Variants in COL14A1 observed in about 807,000 individuals in gnomAD.
COL14A1 encodes the protein collagen type XIV alpha 1 chain, also known as collagen alpha-1(XIV) chain.
COL14A1 carries 136 observed loss-of-function variants against 230.3 expected under a neutral mutation model. That is an observed-to-expected ratio of 0.59 (90% CI 0.51 to 0.68). The LOEUF is 0.68. COL14A1 is among the 30% of genes least tolerant of loss of function. The pLI, the probability that COL14A1 is intolerant of heterozygous loss-of-function variation, is 0.00. For synonymous variants in COL14A1, 792 were observed against 784.1 expected (o/e 1.01, Z -0.17); for missense variants, 1,976 against 2,215.8 (o/e 0.89, Z 2.17).
intron 8 of COL14A1, among the ~76,000 whole-genome samples, chr8:120,200,949 T>C (rs998682339): frequency 1.3e-5 from 2 of 151,438 alleles, no homozygotes; most frequent in South Asian, 2.1e-4. Flanking sequence ...GGTTGTATCT[T>C]CTTCACTTTT....
chr8:120,176,325 C>T (rs936938245), intron 5 of COL14A1, among the ~76,000 whole-genome samples: 1 of 152,118 alleles, frequency 6.6e-6, no homozygotes, highest in East Asian at 1.9e-4. Flanking sequence ...CAGGGCTCAA[C>T]ACATGTGCTC....
intron 19 of COL14A1, among the ~76,000 whole-genome samples, chr8:120,235,642 T>G (rs1351395677): frequency 2.0e-5 from 3 of 152,124 alleles, no homozygotes; most frequent in Non-Finnish European, 4.4e-5. Context: ...TCTTAGTTAT[T>G]TCTTGTCTTC....
rs553881660 is a variant in COL14A1, at chr8:120,367,652, C to T, written c.5155+404C>T. 2.2e-3 allele frequency among the ~76,000 whole-genome samples: 331 copies of T among 152,044 alleles called. 1 individual carries two copies. Among genetic ancestry groups the T allele is most frequent in the African/African-American group, 7.8e-3 (322 of 41,486 alleles). On this transcript the variant is annotated intron_variant, in intron 46 of 47. Transcript: ENST00000297848. ...CAAGAGAAAGAAAAAGAAGGCACATCGGGCTGGGTGCGGTGGCTCACTCCT... is the reference window on the plus strand; with the variant it reads ...CAAGAGAAAGAAAAAGAAGGCACATTGGGCTGGGTGCGGTGGCTCACTCCT...
chr8:120,194,852 A>T (rs760815316), intron 5 of COL14A1, among the ~76,000 whole-genome samples: 2 of 152,064 alleles, frequency 1.3e-5, no homozygotes, highest in African/African-American at 4.8e-5. Flanking sequence ...CCAGACTTCA[A>T]TTTTCCCTGG....
At chr8:120,331,038 G>A (rs1821844237) in intron 40 of COL14A1, among the ~76,000 whole-genome samples, 2 of 148,626 alleles carry the variant, frequency 1.3e-5, no homozygotes, top group Admixed American at 6.8e-5. Flanking sequence ...CTGGGAGGGG[G>A]AAGTTGCGAT....
rs575363231 is a variant in COL14A1 at position 120,356,428 on chromosome 8, C to T, written c.5078-10743C>T. Among the ~76,000 whole-genome samples the T allele has an allele frequency of 2.0e-5, 3 of 152,340 alleles. No homozygotes were observed. In the South Asian group the frequency reaches 6.2e-4, roughly 32 times the overall value. On this transcript the variant is annotated intron_variant, in intron 45 of 47. Transcript: ENST00000297848. ...CACTTAACTAGCTATGTGATCTTGA[C>T]TACTTAAGCTTAAAACTTAATCTCT...
At chr8:120,177,694 C>CTATATA (rs3030325) in intron 5 of COL14A1, among the ~76,000 whole-genome samples, 34,272 of 128,966 alleles carry the variant, frequency 0.27, 4,783 homozygotes, top group East Asian at 0.43. Context: ...TATAAAAAGA[C>CTATATA]TATATATATA....
At chr8:120,200,513 T>A (rs1817201949) in intron 8 of COL14A1, among the ~76,000 whole-genome samples, 1 of 151,450 alleles carries the variant, frequency 6.6e-6, no homozygotes, top group Non-Finnish European at 1.5e-5. Context: ...ACTACATATT[T>A]CAGAGTATTA....
At chr8:120,342,528 A>T in intron 44 of COL14A1, 82 bp downstream of exon 44, 1 of 1,281,990 alleles carries the variant, frequency 7.8e-7, no homozygotes, top group Non-Finnish European at 1.1e-6. Flanking sequence ...TGAGCGTACC[A>T]CTAAGGAAAA....
At chr8:120,173,267 G>A (rs149835130) in intron 5 of COL14A1, among the ~76,000 whole-genome samples, 1 of 152,048 alleles carries the variant, frequency 6.6e-6, no homozygotes, top group Non-Finnish European at 1.5e-5. Flanking sequence ...AATTGTTCCA[G>A]ATTTGCTAGG....
At chr8:120,274,987 A>AG (rs970402235) in intron 26 of COL14A1, among the ~76,000 whole-genome samples, 1 of 83,118 alleles carries the variant, frequency 1.2e-5, no homozygotes, top group African/African-American at 7.8e-5. Context: ...GAATTAGAAA[A>AG]AAAATCCTGA....
At chr8:120,345,759 A>G (rs1822488008) in intron 45 of COL14A1, among the ~76,000 whole-genome samples, 196 bp downstream of exon 45, 1 of 152,232 alleles carries the variant, frequency 6.6e-6, no homozygotes, top group African/African-American at 2.4e-5. Flanking sequence ...GGTTATCTAG[A>G]GCCATATCTA....
At chr8:120,213,591 G>T (rs937804395) in intron 13 of COL14A1, among the ~76,000 whole-genome samples, 9 of 152,112 alleles carry the variant, frequency 5.9e-5, no homozygotes, top group African/African-American at 1.2e-4. Context: ...AAAAAGAAAA[G>T]AAATAAATCA....
intron 14 of COL14A1, among the ~76,000 whole-genome samples, chr8:120,217,192 T>G (rs1481413704): frequency 2.0e-5 from 3 of 152,160 alleles, no homozygotes; most frequent in African/African-American, 7.2e-5. Flanking sequence ...TGTTGTCTAG[T>G]TTATCCTGCT....
At chr8:120,198,154 G>A (rs1817108749) in intron 7 of COL14A1, among the ~76,000 whole-genome samples, 1 of 152,094 alleles carries the variant, frequency 6.6e-6, no homozygotes, top group South Asian at 2.1e-4. Flanking sequence ...GTTGGGCTAG[G>A]AGAAAATGAA....
rs1822292176 is a variant in COL14A1 at position 120,341,367 on chromosome 8, A to G, written c.4821+7A>G. 2 of 1,613,950 alleles carry G rather than the reference A, an allele frequency of 1.2e-6. No individual in the cohort carries two copies. Among genetic ancestry groups the G allele is most frequent in the Non-Finnish European group, 1.7e-6 (2 of 1,179,998 alleles). On this transcript the variant is annotated splice_region_variant and intron_variant, in intron 43 of 47. Coordinates refer to ENST00000297848, the MANE Select transcript of COL14A1 (RefSeq NM_021110.4). Reference sequence around the variant, plus strand: ...GGGGGAACGAGGAGAGCGGGTAAGTATCCTGTGGCTCTGCTTTCTGGCCCC... The same window carrying G: ...GGGGGAACGAGGAGAGCGGGTAAGTGTCCTGTGGCTCTGCTTTCTGGCCCC...
At chr8:120,202,988 A>AT (rs1491354361) in intron 8 of COL14A1, among the ~76,000 whole-genome samples, 4 of 84,310 alleles carry the variant, frequency 4.7e-5, no homozygotes, top group African/African-American at 2.1e-4. Context: ...TAATAATTTC[A>AT]AATATATATA....
intron 45 of COL14A1, among the ~76,000 whole-genome samples, chr8:120,363,570 A>G (rs1334091643): frequency 6.6e-6 from 1 of 152,250 alleles, no homozygotes; most frequent in East Asian, 1.9e-4. Flanking sequence ...CATGTAGCCC[A>G]GAACTTAAAA....
At chr8:120,176,446 C>T (rs758270912) in intron 5 of COL14A1, among the ~76,000 whole-genome samples, 1 of 152,176 alleles carries the variant, frequency 6.6e-6, no homozygotes, top group Non-Finnish European at 1.5e-5. Context: ...TGGGATCTCT[C>T]ACCTCCCATT....
Sources: allele counts gnomAD v4.1 joint callset (sites outside exome capture counted in the v4.1 genomes callset), GRCh38; gene constraint gnomAD v4.1.1; transcripts MANE v1.5; gene names NCBI Gene and HGNC (gene_info 2026-07-23, HGNC 2026-07-21).